Variants in CPNE4 observed in about 807,000 individuals in gnomAD.
CPNE4 encodes the protein copine-4.
In CPNE4, 25 loss-of-function variants were observed where a neutral mutation model predicts 67.9. The observed-to-expected ratio is 0.37, with a 90% CI of 0.27 to 0.51. The LOEUF (loss-of-function observed/expected upper bound fraction) is 0.51, where lower values mean the gene tolerates loss of function less well. Ranked by LOEUF, CPNE4 falls within the 20% of genes least tolerant of loss-of-function variation. The pLI is 0.93. For synonymous variants in CPNE4, 242 were observed against 244.9 expected, an observed-to-expected ratio of 0.99 and a Z score of 0.11; for missense variants, 464 against 690.8, an observed-to-expected ratio of 0.67 and a Z score of 3.68.
intron 7 of CPNE4, among the ~76,000 whole-genome samples, chr3:131,618,466 A>G (rs1940285242): frequency 1.3e-5 from 2 of 152,164 alleles, no homozygotes; most frequent in African/African-American, 4.8e-5. Context: ...TTAACTGTGG[A>G]CACAACTCAT....
intron 2 of CPNE4, 31 bp from the exon 3 acceptor site, chr3:131,723,656 A>G (rs1375806511): frequency 1.3e-6 from 2 of 1,576,880 alleles, no homozygotes; most frequent in East Asian, 4.5e-5. Flanking sequence ...CCTATCAGAG[A>G]TAAGGATTAT....
chr3:132,016,223 A>G (rs1056652178), intron 1 of CPNE4, among the ~76,000 whole-genome samples: 2 of 152,204 alleles, frequency 1.3e-5, no homozygotes, highest in Admixed American at 6.5e-5. Flanking sequence ...AGGAATTCCA[A>G]ACGAAATTCT....
chr3:131,722,445 C>CA (rs1275599454), intron 3 of CPNE4, among the ~76,000 whole-genome samples: 3 of 151,446 alleles, frequency 2.0e-5, no homozygotes, highest in African/African-American at 2.4e-5. Context: ...CACCCCATAC[C>CA]CCCCCACGTT....
intron 2 of CPNE4, among the ~76,000 whole-genome samples, chr3:131,897,325 G>T (rs1221958320): frequency 2.6e-5 from 4 of 151,996 alleles, no homozygotes; most frequent in African/African-American, 9.7e-5. Context: ...TGTAGAGTGG[G>T]TTATCACAGT....
intron 2 of CPNE4, among the ~76,000 whole-genome samples, chr3:131,752,797 A>C (rs2082662703): frequency 6.6e-6 from 1 of 152,138 alleles, no homozygotes; most frequent in South Asian, 2.1e-4. Context: ...TGAATGGTAA[A>C]ATTTTATGTC....
intron 2 of CPNE4, among the ~76,000 whole-genome samples, chr3:131,810,846 T>C (rs922232212): frequency 2.0e-5 from 3 of 152,076 alleles, no homozygotes; most frequent in African/African-American, 7.2e-5. Flanking sequence ...TAGAAGATTA[T>C]TCGGCCTTAA....
chr3:131,756,855 G>A (rs1224997243), intron 2 of CPNE4, among the ~76,000 whole-genome samples: 1 of 152,178 alleles, frequency 6.6e-6, no homozygotes, highest in Non-Finnish European at 1.5e-5. Flanking sequence ...ATGAGGGCTG[G>A]TATTTCCCAT....
At chr3:131,684,158 T>C (rs1176392908) in intron 6 of CPNE4, among the ~76,000 whole-genome samples, 1 of 152,146 alleles carries the variant, frequency 6.6e-6, no homozygotes, top group Non-Finnish European at 1.5e-5. Flanking sequence ...TGAAAGTGCT[T>C]TTTGTGTGTG....
intron 3 of CPNE4, among the ~76,000 whole-genome samples, chr3:131,712,281 G>T (rs1296796667): frequency 6.6e-6 from 1 of 152,148 alleles, no homozygotes; most frequent in African/African-American, 2.4e-5. Context: ...AAGCACAGAT[G>T]TAATTTCCTA....
intron 2 of CPNE4, among the ~76,000 whole-genome samples, chr3:131,835,371 A>T (rs2085513987): frequency 6.6e-6 from 1 of 152,142 alleles, no homozygotes; most frequent in Non-Finnish European, 1.5e-5. Flanking sequence ...TCTACTAAAA[A>T]TACAAAAATT....
rs1452535963 is a variant in CPNE4, at chr3:131,978,075, A to G, written c.-2+56492T>C. Among the ~76,000 whole-genome samples the G allele has an allele frequency of 1.7e-4, 6 of 35,106 alleles. No homozygotes were observed. The Admixed American group carries it at 3.3e-3, about 20-fold the overall frequency. 23.0% of individuals were successfully genotyped at this position (35,106 alleles called of 152,430 possible). ...TATATATAAATATATATAAATATATATAAATATATATAAATATATATATAA... is the reference window on the plus strand; with the variant it reads ...TATATATAAATATATATAAATATATGTAAATATATATAAATATATATATAA... On this transcript the variant is annotated intron_variant, in intron 1 of 15. Transcript: ENST00000429747.
chr3:131,906,573 G>A (rs538228749), intron 1 of CPNE4, among the ~76,000 whole-genome samples: 2 of 151,776 alleles, frequency 1.3e-5, no homozygotes, highest in Non-Finnish European at 2.9e-5. Context: ...CCCTACAAAG[G>A]ACATGAACTC....
intron 2 of CPNE4, among the ~76,000 whole-genome samples, chr3:131,727,561 T>TA (rs929085740): frequency 4.6e-5 from 7 of 152,016 alleles, no homozygotes; most frequent in Non-Finnish European, 7.4e-5. Context: ...GGTGCTCATT[T>TA]AAAAAAAACA....
chr3:131,641,312 T>C (rs1303643566), intron 7 of CPNE4, among the ~76,000 whole-genome samples: 3 of 149,046 alleles, frequency 2.0e-5, no homozygotes, highest in Non-Finnish European at 4.5e-5. Flanking sequence ...CTCAAACAAA[T>C]CAGCAAGAAA....
At chr3:131,728,924 AT>A (rs1227315272) in intron 2 of CPNE4, among the ~76,000 whole-genome samples, 5 of 130,878 alleles carry the variant, frequency 3.8e-5, no homozygotes, top group African/African-American at 1.1e-4. Flanking sequence ...AAAAAAAAAA[AT>A]TGGCTTGTGT....
In CPNE4 at chr3:131,993,821, C is replaced by A. The variant is rs898590493; in HGVS notation, c.-2+40746G>T. ...TCCCATTCAATATCGGAGTAGAGATCTTTACTAGTGCAAAAATACAAGAAA... is the reference window on the plus strand; with the variant it reads ...TCCCATTCAATATCGGAGTAGAGATATTTACTAGTGCAAAAATACAAGAAA... On this transcript the variant is annotated intron_variant, in intron 1 of 15. Transcript: ENST00000429747. Among the ~76,000 whole-genome samples the A allele has an allele frequency of 1.5e-5, 2 of 135,960 alleles. 1 individual carries two copies. Among genetic ancestry groups the A allele is most frequent in the African/African-American group, 4.9e-5 (2 of 40,686 alleles). 89.2% of individuals were successfully genotyped at this position (135,960 alleles called of 152,430 possible).
rs1203534587 is a variant in CPNE4, at chr3:131,616,835, C to T, written c.682-29253G>A. Among the ~76,000 whole-genome samples the T allele has an allele frequency of 2.6e-5, 4 of 152,302 alleles. No individual in the cohort carries two copies. In the South Asian group the frequency reaches 6.2e-4, roughly 24 times the overall value. The stretch of plus-strand genomic sequence containing the variant: ...AGAGTGAGAGTCAAAGAGATCAGCT[C>T]TCACCACAAAGGAAAGCTCAAAGCC... On this transcript the variant is annotated intron_variant, in intron 7 of 15. Transcript: ENST00000429747.
intron 13 of CPNE4, among the ~76,000 whole-genome samples, chr3:131,551,282 C>G (rs1432343313): frequency 6.6e-6 from 1 of 152,132 alleles, no homozygotes; most frequent in African/African-American, 2.4e-5. Flanking sequence ...ATTCTAAAGA[C>G]AGATGCCAAG....
intron 1 of CPNE4, among the ~76,000 whole-genome samples, chr3:131,931,433 A>T (rs971539410): frequency 1.3e-5 from 2 of 152,146 alleles, no homozygotes; most frequent in African/African-American, 4.8e-5. Flanking sequence ...CAACATTCAT[A>T]CCTAATTGTC....
Sources: allele counts gnomAD v4.1 joint callset (sites outside exome capture counted in the v4.1 genomes callset), GRCh38; gene constraint gnomAD v4.1.1; transcripts MANE v1.5; gene names NCBI Gene and HGNC (gene_info 2026-07-23, HGNC 2026-07-21).